The following FANCL variants were observed in gnomAD, a reference collection of about 807,000 sequenced individuals.
FANCL encodes FA complementation group L, also known as E3 ubiquitin-protein ligase FANCL.
A neutral mutation model predicts 59.4 loss-of-function variants in FANCL; 69 were observed. That is an observed-to-expected ratio of 1.16 (90% CI 0.96 to 1.42). The LOEUF is 1.42. FANCL is among the 40% of genes most tolerant of loss of function. FANCL has a pLI of 0.00. For synonymous variants in FANCL, 180 were observed against 147.1 expected (o/e 1.22, Z -1.62); for missense variants, 519 against 447.2 (o/e 1.16, Z -1.45).
intron 4 of FANCL, among the ~76,000 whole-genome samples, 154 bp downstream of exon 4, chr2:58,226,574 C>G (rs559449415): frequency 6.6e-6 from 1 of 151,972 alleles, no homozygotes; most frequent in Admixed American, 6.6e-5. Flanking sequence ...TCAAGAAATG[C>G]GTCATCTATA....
chr2:58,180,547 G>A (rs975906955), intron 7 of FANCL, among the ~76,000 whole-genome samples: 1 of 152,004 alleles, frequency 6.6e-6, no homozygotes. Flanking sequence ...TCACACACCA[G>A]GGCCTGTCGG....
chr2:58,214,967 A>C (rs1316318559), intron 5 of FANCL, among the ~76,000 whole-genome samples: 1 of 152,204 alleles, frequency 6.6e-6, no homozygotes, highest in East Asian at 1.9e-4. Context: ...CACTTCTCTC[A>C]ACCATGTCAG....
rs1489065240 is a variant in FANCL at position 58,169,728 on chromosome 2, A to G, written c.541-3854T>C. The stretch of plus-strand genomic sequence containing the variant: ...ACATAAATGACCTGATGAAGCTGAA[A>G]AACACAGCACGAGAACTTTGTGAAG... On this transcript the variant is annotated intron_variant, in intron 7 of 13. Transcript: ENST00000233741. 2.0e-5 allele frequency among the ~76,000 whole-genome samples: 3 copies of G among 152,100 alleles called. No individual in the cohort carries two copies. The East Asian group carries it at 5.8e-4, about 29-fold the overall frequency.
At chr2:58,231,740 A>C (rs1693600868) in intron 2 of FANCL, among the ~76,000 whole-genome samples, 1 of 152,196 alleles carries the variant, frequency 6.6e-6, no homozygotes, top group African/African-American at 2.4e-5. Context: ...AAGTTGGAAA[A>C]AAAGTTTTCT....
chr2:58,162,576 T>C (rs561600384), intron 11 of FANCL, among the ~76,000 whole-genome samples: 4 of 151,948 alleles, frequency 2.6e-5, no homozygotes, highest in South Asian at 4.2e-4. Context: ...AATCTCTGTA[T>C]ACAGAGGGCC....
chr2:58,193,787 G>C (rs11125745), intron 7 of FANCL, among the ~76,000 whole-genome samples: 33,033 of 151,980 alleles, frequency 0.22, 4,016 homozygotes, highest in African/African-American at 0.33. Flanking sequence ...CACTGTGTTT[G>C]TTTTAAACTC....
chr2:58,232,157 CTT>C, intron 1 of FANCL, 45 bp from the exon 2 acceptor site: 1 of 1,475,758 alleles, frequency 6.8e-7, no homozygotes, highest in Non-Finnish European at 9.5e-7. Context: ...TTATCTTTCA[CTT>C]AATGCTGAGA....
intron 7 of FANCL, among the ~76,000 whole-genome samples, chr2:58,190,168 T>C (rs886588697): frequency 6.6e-6 from 1 of 152,046 alleles, no homozygotes; most frequent in African/African-American, 2.4e-5. Flanking sequence ...AACACTGTTA[T>C]CTGTCAAGCA....
chr2:58,216,019 G>A (rs942732694), intron 5 of FANCL, among the ~76,000 whole-genome samples: 3 of 152,074 alleles, frequency 2.0e-5, no homozygotes, highest in African/African-American at 7.2e-5. Context: ...TTGAAAGACT[G>A]CTCCTAAAAG....
intron 5 of FANCL, among the ~76,000 whole-genome samples, chr2:58,207,736 C>G (rs748646431): frequency 3.3e-5 from 5 of 152,080 alleles, no homozygotes; most frequent in Admixed American, 2.6e-4. Context: ...TAAACTCTTA[C>G]AAGTGGTATC....
intron 1 of FANCL, 29 bp downstream of exon 1, chr2:58,241,189 T>C: frequency 1.9e-6 from 3 of 1,607,540 alleles, no homozygotes; most frequent in Non-Finnish European, 2.6e-6. Flanking sequence ...GAGGCTCTCT[T>C]AGCTAGAAAG....
Position 58,209,300 on chromosome 2 carries a change from G to C in FANCL, c.375-5074C>G, listed in dbSNP as rs115356055. 6.0e-3 allele frequency among the ~76,000 whole-genome samples: 907 copies of C among 152,280 alleles called. 12 individuals carry two copies. The highest frequency in any genetic ancestry group is 0.021 in the African/African-American group (855 of 41,554). On this transcript the variant is annotated intron_variant, in intron 5 of 13. Coordinates refer to ENST00000233741, the MANE Select transcript of FANCL (RefSeq NM_018062.4). ...GACTGGTTCACATTTACTGATTCAT[G>C]TGTAAGTTTCAAACAATAGCTGAAA...
At chr2:58,237,655 CTCTA>C (rs548340509) in intron 1 of FANCL, among the ~76,000 whole-genome samples, 40 of 152,022 alleles carry the variant, frequency 2.6e-4, no homozygotes, top group African/African-American at 9.4e-4. Context: ...ATTTATAAAC[CTCTA>C]TCTAGATGTA....
At chr2:58,189,360 C>T (rs991249302) in intron 7 of FANCL, among the ~76,000 whole-genome samples, 4 of 152,068 alleles carry the variant, frequency 2.6e-5, no homozygotes, top group Admixed American at 6.6e-5. Context: ...AACAGCTTCT[C>T]GTTAGTTTTC....
At chr2:58,229,307 T>C (rs1270270043) in intron 3 of FANCL, among the ~76,000 whole-genome samples, 2 of 152,198 alleles carry the variant, frequency 1.3e-5, no homozygotes, top group Non-Finnish European at 2.9e-5. Flanking sequence ...TAAAGGAATT[T>C]TCAGGTAGAG....
intron 4 of FANCL, among the ~76,000 whole-genome samples, chr2:58,226,077 A>T (rs1018795150): frequency 6.6e-6 from 1 of 152,084 alleles, no homozygotes; most frequent in African/African-American, 2.4e-5. Context: ...CAATATCCAG[A>T]ATTTCCTTTA....
intron 7 of FANCL, among the ~76,000 whole-genome samples, chr2:58,175,004 A>AC (rs1216724986): frequency 6.6e-6 from 1 of 152,036 alleles, no homozygotes; most frequent in Non-Finnish European, 1.5e-5. Context: ...TACTATAAAC[A>AC]CCTCTATGCA....
intron 7 of FANCL, among the ~76,000 whole-genome samples, chr2:58,168,867 G>A (rs543426712): frequency 2.0e-5 from 3 of 152,178 alleles, no homozygotes; most frequent in Admixed American, 1.3e-4. Context: ...CCGCAGCTCA[G>A]CAAAGCCTCT....
At chr2:58,214,958 A>C (rs1468142505) in intron 5 of FANCL, among the ~76,000 whole-genome samples, 1 of 152,186 alleles carries the variant, frequency 6.6e-6, no homozygotes, top group Admixed American at 6.5e-5. Context: ...TTCTTATTGC[A>C]CTTCTCTCAA....
Sources: gnomAD v4.1 joint callset for allele counts (sites outside exome capture counted in the v4.1 genomes callset) on GRCh38, gnomAD v4.1.1 for gene constraint, MANE v1.5 for transcripts, NCBI Gene and HGNC (gene_info 2026-07-23, HGNC 2026-07-21) for gene names.